Variants in SAMD3 observed in about 807,000 individuals in gnomAD.
SAMD3 encodes sterile alpha motif domain containing 3.
A neutral mutation model predicts 58.5 loss-of-function variants in SAMD3; 63 were observed. The ratio of observed to expected loss-of-function variants is 1.08; its 90% CI spans 0.88 to 1.33. SAMD3 has a LOEUF of 1.33. SAMD3 is among the 40% of genes most tolerant of loss of function. The probability of loss-of-function intolerance (pLI) is 0.00; values close to 1 mark genes in which losing one functional copy is unlikely to be tolerated. For missense variants in SAMD3, 604 were observed against 608.4 expected, an observed-to-expected ratio of 0.99 and a Z score of 0.08; for synonymous variants, 220 against 210.3, an observed-to-expected ratio of 1.05 and a Z score of -0.40.
chr6:130,343,984 AGG>A (rs1777361331), intron 1 of SAMD3, among the ~76,000 whole-genome samples: 6 of 151,718 alleles, frequency 4.0e-5, no homozygotes, highest in Non-Finnish European at 1.5e-5. Flanking sequence ...CAAAAAAAAA[AGG>A]GTCAAGGACA....
intron 2 of SAMD3, among the ~76,000 whole-genome samples, chr6:130,233,924 CAT>C (rs1289460349): frequency 6.6e-6 from 1 of 152,210 alleles, no homozygotes; most frequent in Admixed American, 6.5e-5. Context: ...TACAATGCTG[CAT>C]ATGTCATTTA....
chr6:130,187,803 G>T (rs1042451983), intron 5 of SAMD3, among the ~76,000 whole-genome samples: 1 of 152,150 alleles, frequency 6.6e-6, no homozygotes, highest in Non-Finnish European at 1.5e-5. Flanking sequence ...TTATATTACT[G>T]TTCCCACCTC....
chr6:130,207,242 T>C (rs1253000211), intron 5 of SAMD3, among the ~76,000 whole-genome samples: 1 of 151,236 alleles, frequency 6.6e-6, no homozygotes, highest in Non-Finnish European at 1.5e-5. Context: ...CTGTGTCAAG[T>C]AGGCAGAGAA....
intron 8 of SAMD3, among the ~76,000 whole-genome samples, chr6:130,155,274 C>A (rs552749413): frequency 2.6e-5 from 4 of 152,278 alleles, no homozygotes; most frequent in African/African-American, 9.6e-5. Flanking sequence ...CCTACGTTAT[C>A]CTTTTATATA....
chr6:130,283,902 C>T (rs980916563), intron 2 of SAMD3, among the ~76,000 whole-genome samples: 2 of 152,134 alleles, frequency 1.3e-5, no homozygotes, highest in East Asian at 1.9e-4. Context: ...AGTGCAGTGG[C>T]GCTATCCTGG....
At chr6:130,238,850 C>T (rs755819534) in intron 2 of SAMD3, among the ~76,000 whole-genome samples, 2 of 152,164 alleles carry the variant, frequency 1.3e-5, no homozygotes, top group African/African-American at 4.8e-5. Flanking sequence ...CCTGTGCCTC[C>T]TGGGTTCAGG....
chr6:130,210,311 T>A (rs2114827494), intron 4 of SAMD3, among the ~76,000 whole-genome samples: 1 of 152,314 alleles, frequency 6.6e-6, no homozygotes. Context: ...CAAAATAACA[T>A]GCCAGGCCAG....
intron 5 of SAMD3, among the ~76,000 whole-genome samples, chr6:130,190,739 G>A (rs1489141019): frequency 6.6e-6 from 1 of 151,678 alleles, no homozygotes; most frequent in Non-Finnish European, 1.5e-5. Context: ...CCCCTATATA[G>A]CCATAAACCC....
In SAMD3 at chr6:130,247,416, G is replaced by A. The variant is rs146607305; in HGVS notation, c.-187-24603C>T. Among the ~76,000 whole-genome samples the A allele has an allele frequency of 2.1e-3, 310 of 151,000 alleles. 1 individual carries two copies. The highest frequency in any genetic ancestry group is 7.1e-3 in the African/African-American group (292 of 41,072). On this transcript the variant is annotated intron_variant, in intron 2 of 13. Coordinates refer to the SAMD3 transcript ENST00000368134. ...TGGAAGGCAGAGGTTGCAGTGAGCC[G>A]AGATTGTTCCACTGCACTGCAGCCT...
At chr6:130,338,469 A>G (rs937724895) in intron 1 of SAMD3, among the ~76,000 whole-genome samples, 5 of 152,178 alleles carry the variant, frequency 3.3e-5, no homozygotes, top group African/African-American at 1.2e-4. Flanking sequence ...GAGAGCCACC[A>G]TCCTCCAGAC....
chr6:130,157,468 A>G lies in SAMD3; in HGVS notation c.823-2443T>C, dbSNP rs555563527. ...ATCAACTGTCCCAACAGATGGGCCT[A>G]CAGGGCCATGCCACCACATCTGGTT... On this transcript the variant is annotated intron_variant, in intron 8 of 11. Coordinates refer to ENST00000439090, the MANE Select transcript of SAMD3 (RefSeq NM_001017373.4). 1.1e-4 allele frequency among the ~76,000 whole-genome samples: 17 copies of G among 152,258 alleles called. No homozygotes were observed. The South Asian group carries it at 3.1e-3, about 28-fold the overall frequency.
intron 2 of SAMD3, among the ~76,000 whole-genome samples, chr6:130,292,767 C>T (rs1775420439): frequency 3.9e-5 from 6 of 151,954 alleles, no homozygotes; most frequent in Non-Finnish European, 1.5e-5. Context: ...TACAGGCGCC[C>T]GTCACCACGC....
chr6:130,354,137 C>T (rs1484988867), intron 1 of SAMD3, among the ~76,000 whole-genome samples: 2 of 152,118 alleles, frequency 1.3e-5, no homozygotes, highest in African/African-American at 2.4e-5. Context: ...TATCTCACAC[C>T]AGTCAGAATG....
intron 2 of SAMD3, among the ~76,000 whole-genome samples, chr6:130,233,400 C>T (rs1796599909): frequency 6.6e-6 from 1 of 152,176 alleles, no homozygotes; most frequent in Non-Finnish European, 1.5e-5. Flanking sequence ...TGGTAGTGAT[C>T]ATTGATGCTT....
chr6:130,172,450 C>A (rs1791339902), intron 8 of SAMD3, among the ~76,000 whole-genome samples: 4 of 152,190 alleles, frequency 2.6e-5, no homozygotes, highest in Admixed American at 2.6e-4. Context: ...GATTTTATTT[C>A]TCCTCCACAT....
chr6:130,346,581 G>A (rs939025942), intron 1 of SAMD3, among the ~76,000 whole-genome samples: 61 of 152,354 alleles, frequency 4.0e-4, no homozygotes, highest in African/African-American at 1.4e-3. Context: ...AAGTGGCTGG[G>A]AAGCTCGAAC....
intron 1 of SAMD3, among the ~76,000 whole-genome samples, chr6:130,364,668 C>T (rs1778081699): frequency 6.6e-6 from 1 of 151,796 alleles, no homozygotes; most frequent in Non-Finnish European, 1.5e-5. Context: ...GTGACTCATC[C>T]TTCCCCCACC....
intron 1 of SAMD3, among the ~76,000 whole-genome samples, chr6:130,344,251 C>T (rs1263013190): frequency 6.6e-6 from 1 of 152,354 alleles, no homozygotes; most frequent in East Asian, 1.9e-4. Context: ...GTTTTTCCTA[C>T]ATGTATGTCT....
At chr6:130,202,738 G>T (rs143926531) in intron 5 of SAMD3, among the ~76,000 whole-genome samples, 68 of 152,278 alleles carry the variant, frequency 4.5e-4, no homozygotes, top group Non-Finnish European at 9.0e-4. Context: ...TCAAGGAATA[G>T]AATTAGTATG....
Sources: gnomAD v4.1 joint callset for allele counts (sites outside exome capture counted in the v4.1 genomes callset) on GRCh38, gnomAD v4.1.1 for gene constraint, MANE v1.5 for transcripts, NCBI Gene and HGNC (gene_info 2026-07-23, HGNC 2026-07-21) for gene names.